CHN2: variants seen among roughly 807,000 people sequenced by gnomAD.
CHN2 encodes chimerin 2, also known as beta-chimaerin.
CHN2 carries 35 observed loss-of-function variants against 56.3 expected under a neutral mutation model. The observed-to-expected ratio is 0.62, with a 90% CI of 0.47 to 0.82. CHN2 has a LOEUF of 0.82. Ranked by LOEUF, CHN2 falls within the 40% of genes least tolerant of loss-of-function variation. The pLI, the probability that CHN2 is intolerant of heterozygous loss-of-function variation, is 0.00. For missense variants in CHN2, 491 were observed against 580.5 expected (o/e 0.85, Z 1.58); for synonymous variants, 210 against 212.8 (o/e 0.99, Z 0.12).
At chr7:29,312,254 A>G (rs536809373) in intron 1 of CHN2, among the ~76,000 whole-genome samples, 22 of 152,030 alleles carry the variant, frequency 1.4e-4, no homozygotes, top group African/African-American at 5.3e-4. Context: ...GCTTTGCTCC[A>G]CCTGTTCTCT....
chr7:29,274,756 C>A (rs1791043168), intron 1 of CHN2, among the ~76,000 whole-genome samples: 1 of 152,226 alleles, frequency 6.6e-6, no homozygotes, highest in Admixed American at 6.5e-5. Context: ...ACAGGAATAT[C>A]ATTTTTAATG....
At chr7:29,363,183 T>C (rs1401292375) in intron 2 of CHN2, among the ~76,000 whole-genome samples, 3 of 152,198 alleles carry the variant, frequency 2.0e-5, no homozygotes, top group Non-Finnish European at 2.9e-5. Context: ...GGGACACATA[T>C]GCATTAAACA....
intron 6 of CHN2, chr7:29,479,821 G>T (rs779787499): frequency 3.4e-5 from 43 of 1,266,128 alleles, no homozygotes; most frequent in Non-Finnish European, 3.4e-5. Flanking sequence ...ATCCTCAGTG[G>T]CTGACTGGAT....
At chr7:29,184,641 C>CA (rs1798485982) in intron 2 of CHN2, 1 of 152,300 alleles carries the variant, frequency 6.6e-6, no homozygotes, top group Middle Eastern at 3.4e-3. Context: ...CTGTTTTCTC[C>CA]AGGCCTTCAA....
intron 6 of CHN2, among the ~76,000 whole-genome samples, chr7:29,430,411 TAGA>T (rs1477766660): frequency 6.6e-6 from 1 of 152,202 alleles, no homozygotes; most frequent in African/African-American, 2.4e-5. Context: ...AGGCAGTCCC[TAGA>T]ACCAGAATAG....
chr7:29,354,758 C>A, intron 2 of CHN2, 95 bp downstream of exon 2: 2 of 1,068,974 alleles, frequency 1.9e-6, no homozygotes, highest in Non-Finnish European at 2.8e-6. Flanking sequence ...CAAGCGTTCC[C>A]ACCTCACAGC....
rs150702457 is a variant in CHN2 at position 29,178,250 on chromosome 7, C to T, written c.274+31290C>T. Among the ~76,000 whole-genome samples, 490 of 152,308 alleles carry T rather than the reference C, an allele frequency of 3.2e-3. 4 individuals carry two copies. The Middle Eastern group carries it at 0.041, about 13-fold the overall frequency. On this transcript the variant is annotated intron_variant, in intron 2 of 6. Coordinates refer to the CHN2 transcript ENST00000439384. ...CCAAAGTGATCTTTTCAGTATGAAT[C>T]AGAACATGTTATCCCCTTCCTAAAA... is the stretch of plus-strand genomic sequence containing the variant.
chr7:29,182,394 AC>A (rs1798172907), intron 2 of CHN2, among the ~76,000 whole-genome samples: 1 of 118,512 alleles, frequency 8.4e-6, no homozygotes, highest in Non-Finnish European at 2.0e-5. Context: ...TTGTGATATG[AC>A]ACATAGAGTG....
chr7:29,287,458 C>T (rs1304698948), intron 1 of CHN2, among the ~76,000 whole-genome samples: 1 of 152,106 alleles, frequency 6.6e-6, no homozygotes, highest in African/African-American at 2.4e-5. Flanking sequence ...GGTCTCTGTG[C>T]CTCAGTTTAC....
At chr7:29,494,161 T>G (rs565951814) in intron 7 of CHN2, among the ~76,000 whole-genome samples, 2 of 152,198 alleles carry the variant, frequency 1.3e-5, no homozygotes, top group East Asian at 3.9e-4. Flanking sequence ...GGCTCTTCTT[T>G]TACATCTGGT....
intron 7 of CHN2, among the ~76,000 whole-genome samples, chr7:29,490,963 C>T (rs1437928705): frequency 1.3e-5 from 2 of 152,122 alleles, no homozygotes; most frequent in African/African-American, 4.8e-5. Context: ...CTACTAGTTT[C>T]TGTGAAAGAT....
chr7:29,353,276 G>A (rs1798023175), intron 1 of CHN2, among the ~76,000 whole-genome samples: 1 of 152,196 alleles, frequency 6.6e-6, no homozygotes, highest in Non-Finnish European at 1.5e-5. Context: ...AACCACCCTT[G>A]AGTTAGTTTT....
intron 1 of CHN2, among the ~76,000 whole-genome samples, chr7:29,315,640 A>G (rs1180401714): frequency 3.9e-5 from 6 of 152,212 alleles, no homozygotes; most frequent in Non-Finnish European, 7.3e-5. Context: ...CTGATAATGC[A>G]GTGATGGGAT....
intron 6 of CHN2, among the ~76,000 whole-genome samples, chr7:29,428,660 G>C (rs7781595): frequency 0.71 from 108,699 of 152,116 alleles, 39,930 homozygotes; most frequent in African/African-American, 0.88. Context: ...AAGAGATTTG[G>C]AAAAACGTGA....
intron 2 of CHN2, among the ~76,000 whole-genome samples, chr7:29,151,040 G>A (rs987476660): frequency 1.3e-5 from 2 of 152,192 alleles, no homozygotes; most frequent in Non-Finnish European, 2.9e-5. Flanking sequence ...TTCATTAAGT[G>A]AGAAGTAGGC....
At chr7:29,217,087 G>A (rs901840812) in intron 1 of CHN2, among the ~76,000 whole-genome samples, 24 of 152,136 alleles carry the variant, frequency 1.6e-4, no homozygotes, top group Admixed American at 3.3e-4. Flanking sequence ...TAATGTAAGC[G>A]AACTAACCGT....
At chr7:29,498,797 C>T (rs1028538561) in intron 8 of CHN2, among the ~76,000 whole-genome samples, 1 of 127,344 alleles carries the variant, frequency 7.9e-6, no homozygotes, top group East Asian at 2.4e-4. Context: ...GAGTCTCCCT[C>T]TGTCACCAGG....
At chr7:29,318,563 A>C (rs1339883375) in intron 1 of CHN2, among the ~76,000 whole-genome samples, 1 of 152,164 alleles carries the variant, frequency 6.6e-6, no homozygotes, top group Non-Finnish European at 1.5e-5. Flanking sequence ...GAGCCCTAAA[A>C]GAGACACTTC....
At chr7:29,446,336 T>A (rs990617032) in intron 6 of CHN2, among the ~76,000 whole-genome samples, 6 of 152,182 alleles carry the variant, frequency 3.9e-5, no homozygotes, top group Non-Finnish European at 8.8e-5. Flanking sequence ...GACTAACTCC[T>A]GCCAAGATAG....
Sources: gnomAD v4.1 joint callset for allele counts (sites outside exome capture counted in the v4.1 genomes callset) on GRCh38, gnomAD v4.1.1 for gene constraint, MANE v1.5 for transcripts, NCBI Gene and HGNC (gene_info 2026-07-23, HGNC 2026-07-21) for gene names.